The following FAM234A variants were observed in gnomAD, a reference collection of about 807,000 sequenced individuals.
FAM234A encodes protein FAM234A.
A neutral mutation model predicts 49.1 loss-of-function variants in FAM234A; 42 were observed. The ratio of observed to expected loss-of-function variants is 0.86; its 90% CI spans 0.67 to 1.11. The LOEUF (loss-of-function observed/expected upper bound fraction) is 1.11, where lower values mean the gene tolerates loss of function less well. Ranked by LOEUF, FAM234A falls within the 50% of genes least tolerant of loss-of-function variation. The pLI is 0.00. For missense variants in FAM234A, 815 were observed against 745.2 expected (o/e 1.09, Z -1.09); for synonymous variants, 369 against 316.2 (o/e 1.17, Z -1.77).
intron 1 of FAM234A, among the ~76,000 whole-genome samples, chr16:240,034 G>T (rs931447948): frequency 6.6e-6 from 1 of 152,152 alleles, no homozygotes; most frequent in African/African-American, 2.4e-5. Flanking sequence ...TCTGACATCT[G>T]CTTTGCTCAG....
chr16:266,104 G>A, downstream of FAM234A: 1 of 985,192 alleles, frequency 1.0e-6, no homozygotes, highest in Non-Finnish European at 1.2e-6. Flanking sequence ...AAACCCCGGT[G>A]GTCAGGCGTG....
At chr16:238,126 C>G (rs1193060751) in intron 1 of FAM234A, among the ~76,000 whole-genome samples, 2 of 152,190 alleles carry the variant, frequency 1.3e-5, no homozygotes, top group Non-Finnish European at 2.9e-5. Context: ...TCAAGCGATT[C>G]TCCTGCCTCA....
chr16:269,230 T>G, downstream of FAM234A: 241 of 1,392,900 alleles, frequency 1.7e-4, no homozygotes, highest in Non-Finnish European at 2.2e-4. Context: ...CGCAGGACGT[T>G]GAGCTGCAGG....
intron 1 of FAM234A, among the ~76,000 whole-genome samples, chr16:245,421 G>A (rs1021881200): frequency 6.6e-6 from 1 of 152,146 alleles, no homozygotes; most frequent in Non-Finnish European, 1.5e-5. Flanking sequence ...GACTGAGTGT[G>A]TTTCCCCTGG....
intron 1 of FAM234A, among the ~76,000 whole-genome samples, chr16:244,804 C>T (rs1385516924): frequency 2.0e-5 from 3 of 150,392 alleles, no homozygotes; most frequent in African/African-American, 4.9e-5. Context: ...TCTCCTGCCT[C>T]AGCCTCCCGA....
At position 264,913 on chromosome 16, in the gene FAM234A, G is replaced by C. The variant is rs755759461; in HGVS notation, c.1550G>C (p.Arg517Pro). The change falls in exon 13 of 13, where the codon CGG becomes CCG. Residue 517 changes from arginine to proline, a missense_variant. Coordinates refer to ENST00000399932, the MANE Select transcript of FAM234A (RefSeq NM_032039.4). Reference sequence around the variant, plus strand: ...GTCTCTGTGATCAAGCACAAGGTGCGGGACCTTGTCCCAAGCAGCAGGGTG... The same window carrying C: ...GTCTCTGTGATCAAGCACAAGGTGCCGGACCTTGTCCCAAGCAGCAGGGTG... ...GLVSVIKHKV[R>P]DLVPSSRVVR... 1 of 1,612,988 alleles carries C rather than the reference G, an allele frequency of 6.2e-7. No homozygotes were observed. Among genetic ancestry groups the C allele is most frequent in the African/African-American group, 1.3e-5 (1 of 75,036 alleles).
At chr16:248,589 A>G (rs13339636) in intron 1 of FAM234A, among the ~76,000 whole-genome samples, 5,504 of 151,992 alleles carry the variant, frequency 0.036, 428 homozygotes, top group African/African-American at 0.13. Context: ...GAGCCACAAG[A>G]TGAAAGGAGA....
chr16:264,590 GC>G, intron 11 of FAM234A, 23 bp from the exon 12 acceptor site: 1 of 1,500,140 alleles, frequency 6.7e-7, no homozygotes. Context: ...AGGGCGTGGG[GC>G]CCATTGCTGG....
chr16:250,146 T>G (rs1008275621), intron 2 of FAM234A, among the ~76,000 whole-genome samples: 2 of 152,222 alleles, frequency 1.3e-5, no homozygotes, highest in African/African-American at 4.8e-5. Flanking sequence ...TTAGCCAGGA[T>G]GCTCTAGATC....
At chr16:244,158 T>C (rs35038459) in intron 1 of FAM234A, among the ~76,000 whole-genome samples, 46,259 of 151,808 alleles carry the variant, frequency 0.3, 7,239 homozygotes, top group South Asian at 0.39. Context: ...TTAGTAGAGA[T>C]GGGGTTTCAC....
At chr16:240,030 A>G (rs893674186) in intron 1 of FAM234A, among the ~76,000 whole-genome samples, 5 of 152,278 alleles carry the variant, frequency 3.3e-5, no homozygotes, top group East Asian at 3.9e-4. Context: ...CTTGTCTGAC[A>G]TCTGCTTTGC....
Position 263,175 on chromosome 16 carries a change from C to T in FAM234A, c.972-87C>T, listed in dbSNP as rs2051544649. On this transcript the variant is annotated intron_variant, in intron 8 of 12. Transcript: ENST00000399932. ...GGTTATGGGGGCCTAAGAGGAGCACCCTGAGACGGGCGGTGCCAGAGCCTC... is the reference window on the plus strand; with the variant it reads ...GGTTATGGGGGCCTAAGAGGAGCACTCTGAGACGGGCGGTGCCAGAGCCTC... 3 of 1,517,690 alleles carry T rather than the reference C, an allele frequency of 2.0e-6. No individual in the cohort carries two copies. In the South Asian group the frequency reaches 3.5e-5, roughly 18 times the overall value. 94.0% of individuals were successfully genotyped at this position (1,517,690 alleles called of 1,614,324 possible).
intron 1 of FAM234A, chr16:246,929 C>T (rs1312405501): frequency 6.6e-6 from 1 of 151,690 alleles, no homozygotes; most frequent in South Asian, 2.1e-4. Context: ...GCGCATGCCA[C>T]CATACTCATC....
chr16:263,655 T>A, intron 9 of FAM234A, 45 bp from the exon 10 acceptor site: 1 of 1,473,214 alleles, frequency 6.8e-7, no homozygotes, highest in Non-Finnish European at 9.5e-7. Flanking sequence ...CATCTCAGTC[T>A]CCTCACTGAG....
Position 264,658 on chromosome 16 carries a change from C to T in FAM234A, c.1389C>T (p.Thr463=). 1 of 1,612,046 alleles carries T rather than the reference C, an allele frequency of 6.2e-7. No individual in the cohort carries two copies. Among genetic ancestry groups the T allele is most frequent in the Non-Finnish European group, 8.5e-7 (1 of 1,179,974 alleles). ...ACAGCCTGTACATGTTCCACCCCAC[C>T]CTGCCGCGCGTGCTGCTGGAGCTGG... is the stretch of plus-strand genomic sequence containing the variant. The part of the protein sequence containing the change: ...ARHSLYMFHP[T]LPRVLLELAN... Residue 463 remains threonine, a synonymous_variant, in exon 12 of 13, where the codon ACC becomes ACT. Coordinates refer to ENST00000399932, the MANE Select transcript of FAM234A (RefSeq NM_032039.4).
chr16:244,645 G>T (rs2050739749), intron 1 of FAM234A, among the ~76,000 whole-genome samples: 2 of 149,844 alleles, frequency 1.3e-5, no homozygotes, highest in African/African-American at 4.9e-5. Flanking sequence ...ATAGCACAGG[G>T]CTGGACCCTG....
chr16:248,228 C>T (rs1278073416), intron 1 of FAM234A: 4 of 152,016 alleles, frequency 2.6e-5, no homozygotes, highest in Admixed American at 2.6e-4. Flanking sequence ...CTTTGTCCTT[C>T]TAAATCTTGT....
chr16:252,178 G>GTTTTT (rs1368906456), intron 2 of FAM234A, among the ~76,000 whole-genome samples: 2 of 126,060 alleles, frequency 1.6e-5, no homozygotes, highest in Non-Finnish European at 1.6e-5. Context: ...CTGTTTTTCT[G>GTTTTT]TTTTTTGTTT....
intron 5 of FAM234A, chr16:260,373 T>G (rs1392894507): frequency 1.7e-6 from 1 of 597,892 alleles, no homozygotes; most frequent in Admixed American, 2.8e-5. Flanking sequence ...CTGTGTCTGT[T>G]ACCTCCCGTT....
Sources: allele counts gnomAD v4.1 joint callset (sites outside exome capture counted in the v4.1 genomes callset), GRCh38; gene constraint gnomAD v4.1.1; transcripts MANE v1.5; gene names NCBI Gene and HGNC (gene_info 2026-07-23, HGNC 2026-07-21).